Variants in ARHGEF17 observed in about 807,000 individuals in gnomAD.
The protein encoded by ARHGEF17 is 164 kDa Rho-specific guanine-nucleotide exchange factor.
A neutral mutation model predicts 174.0 loss-of-function variants in ARHGEF17; 80 were observed. The ratio of observed to expected loss-of-function variants is 0.46; its 90% CI spans 0.38 to 0.55. The LOEUF (loss-of-function observed/expected upper bound fraction) is 0.55, where lower values mean the gene tolerates loss of function less well. Among genes scored for constraint, ARHGEF17 ranks in the 20% least tolerant of loss-of-function variants. The pLI is 0.00. For synonymous variants in ARHGEF17, 1,311 were observed against 1,189.1 expected, an observed-to-expected ratio of 1.10 and a Z score of -2.11; for missense variants, 2,886 against 2,839.7, an observed-to-expected ratio of 1.02 and a Z score of -0.37.
chr11:73,312,994 A>G (rs1261667714), intron 1 of ARHGEF17, among the ~76,000 whole-genome samples: 1 of 152,142 alleles, frequency 6.6e-6, no homozygotes, highest in Non-Finnish European at 1.5e-5. Flanking sequence ...GAGCTCAGCG[A>G]TGGCCAGTGG....
chr11:73,362,418 T>TC lies in ARHGEF17; in HGVS notation c.4695-13dup. 1 of 1,533,342 alleles carries TC rather than the reference T, an allele frequency of 6.5e-7. No homozygotes were observed. The highest frequency in any genetic ancestry group is 1.2e-5 in the South Asian group (1 of 81,230). 95.0% of individuals were successfully genotyped at this position (1,533,342 alleles called of 1,614,324 possible). A position where few individuals can be genotyped will look rare whatever the true frequency, so the allele number is the denominator to read the frequency against. ...GGCTCGTAGCTGCTGTCATCCTCAC[T>TC]CCGTCTTCTCGCAGGGAGCCTCCTC... is the stretch of plus-strand genomic sequence containing the variant. On this transcript the variant is annotated splice_polypyrimidine_tract_variant and intron_variant, in intron 13 of 20. Coordinates refer to ENST00000263674, the MANE Select transcript of ARHGEF17 (RefSeq NM_014786.4).
intron 1 of ARHGEF17, among the ~76,000 whole-genome samples, chr11:73,339,561 GACAGT>G (rs1413522128): frequency 6.6e-6 from 1 of 152,216 alleles, no homozygotes; most frequent in Admixed American, 6.5e-5. Context: ...CCCCCAGGTG[GACAGT>G]GCCCAGATGC....
In ARHGEF17 at chr11:73,365,786, C is replaced by T; in HGVS notation, c.5834C>T (p.Thr1945Ile). Residue 1945 changes from threonine (T) to isoleucine (I), a missense_variant, in exon 20 of 21, where the codon ACC becomes ATC. By Grantham distance (89) the Thr-to-Ile change is moderately conservative. This residue lies in a region of ARHGEF17 where 329 missense variants were observed against 435.2 expected (regional missense o/e 0.76). Coordinates refer to ENST00000263674, the MANE Select transcript of ARHGEF17 (RefSeq NM_014786.4). This position sits in a 1 kb window ranked among gnomAD's most constrained non-coding sequence, Gnocchi z 4.9. Reference protein sequence around the residue: ...WVGTSAGVVLTMPTSPGTVSC... With the variant: ...WVGTSAGVVLIMPTSPGTVSC... ...GGCACCAGTGCTGGTGTCGTCCTCACCATGCCCACTTCGCCCGGTACTGTC... is the reference window on the plus strand; with the variant it reads ...GGCACCAGTGCTGGTGTCGTCCTCATCATGCCCACTTCGCCCGGTACTGTC... 6.2e-7 allele frequency: 1 copy of T among 1,613,762 alleles called. No individual in the cohort carries two copies. The highest frequency in any genetic ancestry group is 8.5e-7 in the Non-Finnish European group (1 of 1,180,048).
At chr11:73,362,308 C>T in intron 13 of ARHGEF17, 69 bp downstream of exon 13, 1 of 1,451,210 alleles carries the variant, frequency 6.9e-7, no homozygotes, top group African/African-American at 1.4e-5. Flanking sequence ...CCAGCACACT[C>T]TCAGGCCGCC....
chr11:73,328,831 A>G (rs1228960334), intron 1 of ARHGEF17, among the ~76,000 whole-genome samples: 1 of 152,090 alleles, frequency 6.6e-6, no homozygotes, highest in African/African-American at 2.4e-5. Context: ...CAGGAACATC[A>G]GGCCTGTGTC....
intron 1 of ARHGEF17, among the ~76,000 whole-genome samples, chr11:73,313,299 C>T (rs989033572): frequency 6.6e-6 from 1 of 152,080 alleles, no homozygotes; most frequent in Non-Finnish European, 1.5e-5. Flanking sequence ...AACTCCAGTG[C>T]CAGTTCTGAA....
Position 73,321,746 on chromosome 11 carries a change from C to CT in ARHGEF17, c.3192+9922dup, listed in dbSNP as rs1425001639. Among the ~76,000 whole-genome samples, 8 of 152,262 alleles carry CT rather than the reference C, an allele frequency of 5.3e-5. No individual in the cohort carries two copies. In the East Asian group the frequency reaches 1.4e-3, roughly 26 times the overall value. On this transcript the variant is annotated intron_variant, in intron 1 of 20. Coordinates refer to ENST00000263674, the MANE Select transcript of ARHGEF17 (RefSeq NM_014786.4). ...GGTTCTTTTCCAAGAGTCCAGACCT[C>CT]TTTTTTATTTGTGATTTTGAGATTG...
At chr11:73,329,918 T>G (rs1865178618) in intron 1 of ARHGEF17, among the ~76,000 whole-genome samples, 1 of 152,202 alleles carries the variant, frequency 6.6e-6, no homozygotes. Flanking sequence ...CAGCAGTAGG[T>G]TAGAGGCCCA....
chr11:73,314,708 G>A (rs376569472), intron 1 of ARHGEF17, among the ~76,000 whole-genome samples: 1 of 152,078 alleles, frequency 6.6e-6, no homozygotes, highest in East Asian at 1.9e-4. Context: ...GTGCCGGGAG[G>A]TGAGGAGGCA....
intron 1 of ARHGEF17, among the ~76,000 whole-genome samples, chr11:73,322,858 TGCGGGAACATGAGTA>T (rs1219568610): frequency 4.0e-5 from 6 of 151,758 alleles, no homozygotes; most frequent in African/African-American, 1.5e-4. Context: ...GACATGAGGG[TGCGGGAACATGAGTA>T]GCCTGAGCTT....
chr11:73,350,208 C>T (rs1865531251), intron 2 of ARHGEF17, among the ~76,000 whole-genome samples: 1 of 152,226 alleles, frequency 6.6e-6, no homozygotes, highest in Admixed American at 6.5e-5. Flanking sequence ...CGAAGACTCA[C>T]AGAGGTTAAG....
intron 1 of ARHGEF17, among the ~76,000 whole-genome samples, chr11:73,329,640 T>A (rs542222534): frequency 1.3e-5 from 2 of 151,964 alleles, no homozygotes; most frequent in Non-Finnish European, 2.9e-5. Context: ...CTTCAGGCGA[T>A]CCGCCTGCCT....
intron 1 of ARHGEF17, among the ~76,000 whole-genome samples, chr11:73,327,954 C>A (rs1304518386): frequency 6.6e-6 from 1 of 152,130 alleles, no homozygotes; most frequent in African/African-American, 2.4e-5. Context: ...CCCTCTGTGG[C>A]TCAGTTTATG....
At chr11:73,342,278 C>G (rs1865383031) in intron 1 of ARHGEF17, among the ~76,000 whole-genome samples, 1 of 151,988 alleles carries the variant, frequency 6.6e-6, no homozygotes, top group Admixed American at 6.5e-5. Flanking sequence ...GGACACAGGA[C>G]AAGCTGGATC....
chr11:73,336,787 G>T (rs1201985653), intron 1 of ARHGEF17, among the ~76,000 whole-genome samples: 1 of 152,182 alleles, frequency 6.6e-6, no homozygotes, highest in African/African-American at 2.4e-5. Flanking sequence ...CAGTGTGGTC[G>T]GATAGTGCTG....
rs576613200 is a variant in ARHGEF17 at position 73,356,443 on chromosome 11, G to A, written c.3840+92G>A. 5.3e-5 allele frequency: 75 copies of A among 1,410,130 alleles called. 1 individual carries two copies. The Middle Eastern group carries it at 1.0e-3, about 19-fold the overall frequency. 87.4% of individuals were successfully genotyped at this position (1,410,130 alleles called of 1,614,324 possible). On this transcript the variant is annotated intron_variant, in intron 6 of 20. Transcript: ENST00000263674. ...TGTGCATCTGTGGCCACCTGGAATCGTGGCTGTGTCCATGTCCGGAACCAC... is the reference window on the plus strand; with the variant it reads ...TGTGCATCTGTGGCCACCTGGAATCATGGCTGTGTCCATGTCCGGAACCAC...
chr11:73,344,569 G>A (rs114589663), intron 1 of ARHGEF17, among the ~76,000 whole-genome samples: 8,647 of 152,244 alleles, frequency 0.057, 823 homozygotes, highest in African/African-American at 0.19. Context: ...GCCCAGGGCC[G>A]CGCCTGGCCT....
rs770250133 is a variant in ARHGEF17 at position 73,362,568 on chromosome 11, C to T, written c.4830C>T (p.Ile1610=). The T allele has an allele frequency of 2.5e-6, 4 of 1,609,738 alleles. No individual in the cohort carries two copies. In the Admixed American group the frequency reaches 5.0e-5, roughly 20 times the overall value. ...AEPGPQPCLH[I]SIAGSGLEMT... is the part of the protein sequence containing the mutation. ...CGGGGCCGCAGCCCTGCCTTCACAT[C>T]TCCATTGCAGGCTCGGGCTTGGAGA... Residue 1610 remains isoleucine, a synonymous_variant, in exon 14 of 21, where the codon ATC becomes ATT. Transcript: ENST00000263674.
intron 1 of ARHGEF17, among the ~76,000 whole-genome samples, chr11:73,320,097 G>C (rs895440249): frequency 2.1e-5 from 3 of 143,928 alleles, no homozygotes; most frequent in Non-Finnish European, 3.0e-5. Context: ...CCATGTTCTG[G>C]GAGCTCCATG....
Sources: allele counts gnomAD v4.1 joint callset (sites outside exome capture counted in the v4.1 genomes callset), GRCh38; gene constraint gnomAD v4.1.1; regional missense constraint gnomAD v4.1.1; non-coding constraint Gnocchi (gnomAD v3.1); transcripts MANE v1.5; gene names NCBI Gene and HGNC (gene_info 2026-07-23, HGNC 2026-07-21).